The following LGMN variants were observed in gnomAD, a reference collection of about 807,000 sequenced individuals.
The protein encoded by LGMN is legumain, also known as asparaginyl endopeptidase.
A neutral mutation model predicts 56.8 loss-of-function variants in LGMN; 36 were observed. That is an observed-to-expected ratio of 0.63 (90% CI 0.49 to 0.84). The LOEUF is 0.84. Ranked by LOEUF, LGMN falls within the 40% of genes least tolerant of loss-of-function variation. The pLI is 0.00. For synonymous variants in LGMN, 199 were observed against 210.1 expected (o/e 0.95, Z 0.46); for missense variants, 446 against 556.1 (o/e 0.80, Z 1.99).
rs528493759 is a variant in LGMN, at chr14:92,739,594, A to C, written c.-29-6779T>G. ...AGAGAGAAGAGACAGACCATTTAAA[A>C]ACATAGGTTGTCAGATAGTGATGAC... On this transcript the variant is annotated intron_variant, in intron 1 of 13. Coordinates refer to ENST00000334869, the MANE Select transcript of LGMN (RefSeq NM_005606.7). 2.3e-3 allele frequency among the ~76,000 whole-genome samples: 343 copies of C among 152,292 alleles called. 1 individual carries two copies. Among genetic ancestry groups the C allele is most frequent in the African/African-American group, 7.9e-3 (327 of 41,562 alleles).
chr14:92,716,013 C>T, intron 5 of LGMN, 123 bp downstream of exon 5: 1 of 666,252 alleles, frequency 1.5e-6, no homozygotes. Context: ...CAGAACAAAA[C>T]TCTCCACTCT....
intron 1 of LGMN, among the ~76,000 whole-genome samples, chr14:92,746,805 G>A (rs1257115744): frequency 6.6e-6 from 1 of 152,140 alleles, no homozygotes; most frequent in African/African-American, 2.4e-5. Context: ...GGGAGGCCGA[G>A]GGGGGTGGAT....
At chr14:92,717,318 G>A (rs558624069) in intron 4 of LGMN, 62 bp downstream of exon 4, 6 of 1,020,326 alleles carry the variant, frequency 5.9e-6, no homozygotes, top group African/African-American at 4.8e-5. Flanking sequence ...AGAAGAAAGA[G>A]GGAAAAATCA....
intron 8 of LGMN, 136 bp downstream of exon 8, chr14:92,712,668 TG>T: frequency 1.4e-6 from 1 of 730,176 alleles, no homozygotes; most frequent in Non-Finnish European, 2.3e-6. Context: ...CAGAGCTACC[TG>T]CAAGTATCTC....
In LGMN at chr14:92,719,326, A is replaced by G. The variant is rs867128979; in HGVS notation, c.139-482T>C. Among the ~76,000 whole-genome samples the G allele has an allele frequency of 1.3e-3, 104 of 79,906 alleles. 3 individuals are homozygous for G. Among genetic ancestry groups the G allele is most frequent in the African/African-American group, 3.4e-3 (54 of 15,666 alleles). The allele number at this position is 79,906 out of a possible 152,430, so 52.4% of individuals were successfully genotyped here. A position where few individuals can be genotyped will look rare whatever the true frequency, so the allele number is the denominator to read the frequency against. ...CACCGCCGCCACCGCCGCCGCCGCCACCGCCACCGCCATCACCGCCACCAC... is the reference window on the plus strand; with the variant it reads ...CACCGCCGCCACCGCCGCCGCCGCCGCCGCCACCGCCATCACCGCCACCAC... On this transcript the variant is annotated intron_variant, in intron 2 of 13. Coordinates refer to ENST00000334869, the MANE Select transcript of LGMN (RefSeq NM_005606.7).
chr14:92,708,339 C>A (rs1016077721), intron 11 of LGMN, among the ~76,000 whole-genome samples: 2 of 151,992 alleles, frequency 1.3e-5, no homozygotes, highest in African/African-American at 4.8e-5. Flanking sequence ...TGGCCCACTC[C>A]TGTAATCCCA....
rs752048654 is a variant in LGMN at position 92,704,626 on chromosome 14, G to T, written c.1259+14C>A. ...TGACATCGACCTTTCAAGCGTCACCGCTGCATTAGTTACCTGTGAAGCGGA... is the reference window on the plus strand; with the variant it reads ...TGACATCGACCTTTCAAGCGTCACCTCTGCATTAGTTACCTGTGAAGCGGA... On this transcript the variant is annotated intron_variant, in intron 13 of 13. Coordinates refer to ENST00000334869, the MANE Select transcript of LGMN (RefSeq NM_005606.7). The T allele has an allele frequency of 6.2e-7, 1 of 1,603,216 alleles. No homozygotes were observed. Among genetic ancestry groups the T allele is most frequent in the Non-Finnish European group, 8.5e-7 (1 of 1,170,254 alleles).
At chr14:92,723,338 T>C (rs115163352) in intron 2 of LGMN, among the ~76,000 whole-genome samples, 4,181 of 152,012 alleles carry the variant, frequency 0.028, 213 homozygotes, top group African/African-American at 0.095. Flanking sequence ...AGCCACCACA[T>C]CTGTCCTGCA....
At chr14:92,722,231 A>G (rs1185420843) in intron 2 of LGMN, among the ~76,000 whole-genome samples, 1 of 151,944 alleles carries the variant, frequency 6.6e-6, no homozygotes, top group African/African-American at 2.4e-5. Context: ...TTATTCTTTA[A>G]GGTGTACACA....
At chr14:92,706,431 A>G in intron 12 of LGMN, 52 bp downstream of exon 12, 1 of 1,401,850 alleles carries the variant, frequency 7.1e-7, no homozygotes, top group Non-Finnish European at 9.5e-7. Context: ...GCCAGGGGAC[A>G]ATATGAATTC....
rs780582610 is a variant in LGMN, at chr14:92,706,623, T to TA, written c.1050dup (p.Lys351Ter). Reference sequence around the variant, plus strand: ...GACGCTGCCAGCAAGGAGACGATCTTACGCACTGACTTCTCAATGAGGTGC... The same window carrying TA: ...GACGCTGCCAGCAAGGAGACGATCTTAACGCACTGACTTCTCAATGAGGTGC... On this transcript the variant is annotated frameshift_variant, in exon 12 of 14. Coordinates refer to ENST00000334869, the MANE Select transcript of LGMN (RefSeq NM_005606.7). LOFTEE classifies it high-confidence loss of function. 6.9e-6 allele frequency: 11 copies of TA among 1,596,380 alleles called. No homozygotes were observed. Among genetic ancestry groups the TA allele is most frequent in the Non-Finnish European group, 8.6e-6 (10 of 1,165,988 alleles).
chr14:92,743,428 G>A (rs1476277657), intron 1 of LGMN, among the ~76,000 whole-genome samples: 7 of 149,080 alleles, frequency 4.7e-5, no homozygotes, highest in South Asian at 4.3e-4. Context: ...GCGTGCACCC[G>A]GGAGGCGGAG....
chr14:92,734,882 C>A (rs1442787044), intron 1 of LGMN, among the ~76,000 whole-genome samples: 3 of 152,182 alleles, frequency 2.0e-5, no homozygotes, highest in Admixed American at 2.0e-4. Flanking sequence ...CATTCCTTGA[C>A]TCGCCACTCA....
chr14:92,708,524 TGGTTAATACGTTTTTCACACACA>T (rs1889562054), intron 11 of LGMN, among the ~76,000 whole-genome samples: 2 of 152,320 alleles, frequency 1.3e-5, no homozygotes, highest in Non-Finnish European at 2.9e-5. Context: ...AAATATGTCC[TGGTTAATACGTTTTTCACACACA>T]GGGCACCAAT....
At chr14:92,711,307 G>A (rs907201826) in intron 10 of LGMN, among the ~76,000 whole-genome samples, 2 of 152,190 alleles carry the variant, frequency 1.3e-5, no homozygotes, top group Non-Finnish European at 2.9e-5. Context: ...AGCAGCTTTT[G>A]AGTCAGTGAT....
At chr14:92,734,778 AAT>A (rs1277395870) in intron 1 of LGMN, among the ~76,000 whole-genome samples, 2 of 152,238 alleles carry the variant, frequency 1.3e-5, no homozygotes. Flanking sequence ...TAAGAAGAAA[AAT>A]ATATAGTCAC....
intron 11 of LGMN, 123 bp downstream of exon 11, chr14:92,709,549 C>A: frequency 2.5e-6 from 2 of 799,750 alleles, no homozygotes; most frequent in Admixed American, 2.2e-5. Context: ...AGGACAAAGG[C>A]TGGCTTCTGT....
intron 11 of LGMN, 79 bp downstream of exon 11, chr14:92,709,593 A>C: frequency 8.8e-7 from 1 of 1,133,606 alleles, no homozygotes; most frequent in South Asian, 1.3e-5. Context: ...GGAGCATAGG[A>C]GGCAGGGCCG....
chr14:92,743,372 G>A (rs1034113390), intron 1 of LGMN, among the ~76,000 whole-genome samples: 1 of 151,736 alleles, frequency 6.6e-6, no homozygotes, highest in Non-Finnish European at 1.5e-5. Context: ...GCGTGGTGGC[G>A]GGCACCGATA....
Sources: gnomAD v4.1 joint callset for allele counts (sites outside exome capture counted in the v4.1 genomes callset) on GRCh38, gnomAD v4.1.1 for gene constraint, MANE v1.5 for transcripts, NCBI Gene and HGNC (gene_info 2026-07-23, HGNC 2026-07-21) for gene names.